MICAL2: variants seen among roughly 807,000 people sequenced by gnomAD.
MICAL2 encodes [F-actin]-monooxygenase MICAL2.
In MICAL2, 77 loss-of-function variants were observed where a neutral mutation model predicts 127.3. The ratio of observed to expected loss-of-function variants is 0.60; its 90% CI spans 0.50 to 0.73. The LOEUF is 0.73. Among genes scored for constraint, MICAL2 ranks in the 30% least tolerant of loss-of-function variants. The pLI, the probability that MICAL2 is intolerant of heterozygous loss-of-function variation, is 0.00. For synonymous variants in MICAL2, 570 were observed against 551.1 expected (o/e 1.03, Z -0.48); for missense variants, 1,351 against 1,434.4 (o/e 0.94, Z 0.94).
chr11:12,336,952 A>T (rs903374766), intron 32 of MICAL2, among the ~76,000 whole-genome samples: 4 of 152,132 alleles, frequency 2.6e-5, no homozygotes, highest in Non-Finnish European at 4.4e-5. Flanking sequence ...TGGTATCAGG[A>T]TGATGCTGGC....
chr11:12,240,475 G>A (rs1859746891), intron 17 of MICAL2, among the ~76,000 whole-genome samples: 1 of 152,224 alleles, frequency 6.6e-6, no homozygotes, highest in South Asian at 2.1e-4. Context: ...TGTGGACTGT[G>A]TCCCTCCTGG....
intron 3 of MICAL2, among the ~76,000 whole-genome samples, chr11:12,162,868 T>G (rs911505186): frequency 1.3e-5 from 2 of 152,192 alleles, no homozygotes; most frequent in Admixed American, 1.3e-4. Flanking sequence ...GAGGGCAACC[T>G]TAGTCCATCT....
chr11:12,142,185 T>C (rs570117281), intron 2 of MICAL2, among the ~76,000 whole-genome samples: 3 of 152,278 alleles, frequency 2.0e-5, no homozygotes, highest in African/African-American at 7.2e-5. Context: ...TCTAAGGTGT[T>C]AGCAGGGCCC....
intron 3 of MICAL2, among the ~76,000 whole-genome samples, chr11:12,174,517 T>C (rs1421185285): frequency 6.6e-6 from 1 of 152,220 alleles, no homozygotes; most frequent in Non-Finnish European, 1.5e-5. Context: ...CAGAATTTCC[T>C]TCTTTTTAGG....
chr11:12,151,166 G>T (rs1430599070), intron 2 of MICAL2, among the ~76,000 whole-genome samples: 1 of 152,120 alleles, frequency 6.6e-6, no homozygotes, highest in African/African-American at 2.4e-5. Context: ...ATCTGTTCTA[G>T]TCTCCTGTCT....
intron 31 of MICAL2, among the ~76,000 whole-genome samples, chr11:12,324,972 G>C (rs1216435848): frequency 6.6e-6 from 1 of 152,108 alleles, no homozygotes; most frequent in Admixed American, 6.5e-5. Context: ...GGCAAACTAG[G>C]CAATGCCTCT....
At chr11:12,340,745 T>TTTTGAA (rs1345474558) in intron 32 of MICAL2, among the ~76,000 whole-genome samples, 1 of 152,186 alleles carries the variant, frequency 6.6e-6, no homozygotes, top group Non-Finnish European at 1.5e-5. Flanking sequence ...TACAACATAA[T>TTTTGAA]TTTGAATTTA....
intron 2 of MICAL2, among the ~76,000 whole-genome samples, chr11:12,158,177 A>G (rs1045852573): frequency 3.3e-5 from 5 of 152,126 alleles, no homozygotes; most frequent in Non-Finnish European, 5.9e-5. Flanking sequence ...CCAAGTAAGT[A>G]TGATGGACAT....
intron 27 of MICAL2, chr11:12,262,809 A>G: frequency 2.6e-6 from 1 of 387,182 alleles, no homozygotes; most frequent in Non-Finnish European, 4.7e-6. Context: ...GCCTGCGTGC[A>G]TGCTTCTCCA....
intron 1 of MICAL2, among the ~76,000 whole-genome samples, chr11:12,114,585 T>C (rs1815347788): frequency 6.6e-6 from 1 of 152,308 alleles, no homozygotes; most frequent in African/African-American, 2.4e-5. Context: ...CTGTGCTGGA[T>C]CCTCAGCACT....
At chr11:12,301,221 A>G (rs536986561) in intron 29 of MICAL2, among the ~76,000 whole-genome samples, 1 of 152,340 alleles carries the variant, frequency 6.6e-6, no homozygotes, top group Admixed American at 6.5e-5. Context: ...TCCTTCCCAC[A>G]ACACATGGGA....
chr11:12,326,560 C>T (rs1214073809), intron 31 of MICAL2, among the ~76,000 whole-genome samples: 1 of 152,160 alleles, frequency 6.6e-6, no homozygotes, highest in African/African-American at 2.4e-5. Context: ...CTGCTAGTAA[C>T]AAAGGCACAG....
At chr11:12,262,815 C>T in intron 27 of MICAL2, 1 of 364,900 alleles carries the variant, frequency 2.7e-6, no homozygotes. Flanking sequence ...GTGCATGCTT[C>T]TCCAGTTGCG....
chr11:12,285,544 T>G (rs1863817273), intron 2 of MICAL2, among the ~76,000 whole-genome samples: 1 of 151,976 alleles, frequency 6.6e-6, no homozygotes, highest in South Asian at 2.1e-4. Context: ...AAAGACAGGG[T>G]GGAGGTTAGA....
chr11:12,321,757 A>G (rs1314025775), intron 30 of MICAL2, among the ~76,000 whole-genome samples: 1 of 152,098 alleles, frequency 6.6e-6, no homozygotes, highest in Non-Finnish European at 1.5e-5. Flanking sequence ...CTGACTCTTG[A>G]GAAAGAGTCA....
intron 11 of MICAL2, 76 bp downstream of exon 11, chr11:12,222,819 A>G: frequency 2.5e-6 from 4 of 1,572,450 alleles, no homozygotes; most frequent in Admixed American, 3.6e-5. Flanking sequence ...AGGGGGTCAC[A>G]TTAAATTTTG....
chr11:12,319,012 G>A (rs997199411), intron 29 of MICAL2, among the ~76,000 whole-genome samples: 1 of 152,178 alleles, frequency 6.6e-6, no homozygotes, highest in Non-Finnish European at 1.5e-5. Context: ...CTTCGATGAT[G>A]TGATAACATC....
intron 2 of MICAL2, among the ~76,000 whole-genome samples, chr11:12,142,892 G>A (rs1157434085): frequency 6.6e-6 from 1 of 152,226 alleles, no homozygotes; most frequent in Non-Finnish European, 1.5e-5. Flanking sequence ...CACACAGAAG[G>A]GAGGGCTGGG....
At chr11:12,226,395 C>T (rs1207603956) in intron 14 of MICAL2, 25 bp downstream of exon 14, 1 of 1,610,518 alleles carries the variant, frequency 6.2e-7, no homozygotes, top group Non-Finnish European at 8.5e-7. Context: ...AGAGGTTTTG[C>T]TTAGCCCCTT....
Sources: allele counts gnomAD v4.1 joint callset (sites outside exome capture counted in the v4.1 genomes callset), GRCh38; gene constraint gnomAD v4.1.1; transcripts MANE v1.5; gene names NCBI Gene and HGNC (gene_info 2026-07-23, HGNC 2026-07-21).